Variants in DCC observed in about 807,000 individuals in gnomAD.
The protein encoded by DCC is DCC netrin 1 receptor, also known as netrin receptor DCC.
DCC carries 58 observed loss-of-function variants against 172.5 expected under a neutral mutation model. The observed-to-expected ratio is 0.34, with a 90% CI of 0.27 to 0.42. DCC has a LOEUF of 0.42. DCC is among the 10% of genes least tolerant of loss of function. The pLI is 1.00. For missense variants in DCC, 1,740 were observed against 1,791.0 expected, an observed-to-expected ratio of 0.97 and a Z score of 0.51; for synonymous variants, 709 against 644.5, an observed-to-expected ratio of 1.10 and a Z score of -1.52.
chr18:53,119,048 A>G (rs2043446079), intron 7 of DCC, among the ~76,000 whole-genome samples: 1 of 151,762 alleles, frequency 6.6e-6, no homozygotes, highest in Non-Finnish European at 1.5e-5. Flanking sequence ...TTAGAAGTAA[A>G]GGCTTATTCC....
chr18:52,960,457 T>C (rs975861655), intron 5 of DCC, among the ~76,000 whole-genome samples: 30 of 152,176 alleles, frequency 2.0e-4, no homozygotes, highest in African/African-American at 7.2e-4. Flanking sequence ...CTTTACTAAT[T>C]GACATACTTT....
intron 2 of DCC, among the ~76,000 whole-genome samples, chr18:52,805,814 ATCTAAGACAATTT>A (rs2038074269): frequency 6.6e-6 from 1 of 152,184 alleles, no homozygotes. Flanking sequence ...CAACTTGAGG[ATCTAAGACAATTT>A]TCAAGGGATC....
chr18:52,468,836 T>G (rs1988863189), intron 1 of DCC, among the ~76,000 whole-genome samples: 1 of 152,136 alleles, frequency 6.6e-6, no homozygotes, highest in South Asian at 2.1e-4. Context: ...TTTCTTAAGA[T>G]ATAATTTTAA....
chr18:53,279,943 G>T (rs971040247), intron 12 of DCC, among the ~76,000 whole-genome samples: 1 of 151,988 alleles, frequency 6.6e-6, no homozygotes, highest in African/African-American at 2.4e-5. Context: ...CTTAAGGGTG[G>T]AAGGTAGGAG....
chr18:52,897,904 G>A (rs1274051182), intron 2 of DCC, among the ~76,000 whole-genome samples: 1 of 152,214 alleles, frequency 6.6e-6, no homozygotes, highest in Non-Finnish European at 1.5e-5. Context: ...GATGTGGCAA[G>A]TACAGGCCAA....
chr18:53,428,460 ATATT>A (rs1472582412), intron 21 of DCC, among the ~76,000 whole-genome samples: 2 of 50,994 alleles, frequency 3.9e-5, no homozygotes, highest in African/African-American at 9.6e-5. Flanking sequence ...TATTTTATAT[ATATT>A]ATATAATATA....
At chr18:52,610,608 T>C (rs1481524312) in intron 1 of DCC, among the ~76,000 whole-genome samples, 1 of 151,904 alleles carries the variant, frequency 6.6e-6, no homozygotes, top group African/African-American at 2.4e-5. Context: ...TGGACCCCTC[T>C]ACACAGGGAA....
chr18:52,471,992 A>C (rs1787133), intron 1 of DCC, among the ~76,000 whole-genome samples: 148,158 of 152,184 alleles, frequency 0.97, 72,243 homozygotes, highest in Middle Eastern at 1. Flanking sequence ...AGAAGGGAGG[A>C]AGGGATCTTC....
At chr18:52,617,608 TTA>T (rs60947788) in intron 1 of DCC, among the ~76,000 whole-genome samples, 18,674 of 152,086 alleles carry the variant, frequency 0.12, 1,856 homozygotes, top group African/African-American at 0.27. Context: ...AGACAACTTT[TTA>T]TATGTTTCTC....
chr18:52,531,981 A>T (rs1375153497), intron 1 of DCC, among the ~76,000 whole-genome samples: 1 of 152,172 alleles, frequency 6.6e-6, no homozygotes, highest in East Asian at 1.9e-4. Context: ...AGCCAATCTC[A>T]TTTCCATAAC....
chr18:53,113,689 G>A (rs2043368757), intron 7 of DCC, among the ~76,000 whole-genome samples: 2 of 137,082 alleles, frequency 1.5e-5, no homozygotes, highest in Admixed American at 1.4e-4. Flanking sequence ...TAAAGCAAAA[G>A]CTTTTATTTT....
At chr18:52,966,168 CA>C (rs2040926711) in intron 5 of DCC, among the ~76,000 whole-genome samples, 1 of 152,024 alleles carries the variant, frequency 6.6e-6, no homozygotes. Context: ...ATTTTGAAGC[CA>C]AGATTTACCC....
At chr18:53,327,705 AT>A (rs2057482360) in intron 14 of DCC, among the ~76,000 whole-genome samples, 1 of 152,148 alleles carries the variant, frequency 6.6e-6, no homozygotes, top group Non-Finnish European at 1.5e-5. Context: ...CTGCAAATTC[AT>A]TTCATTTAAG....
chr18:52,548,274 T>G (rs1412048531), intron 1 of DCC, among the ~76,000 whole-genome samples: 2 of 152,216 alleles, frequency 1.3e-5, no homozygotes, highest in East Asian at 3.9e-4. Context: ...ATATTCCAAA[T>G]AAGTTGTGAA....
intron 5 of DCC, among the ~76,000 whole-genome samples, chr18:52,943,712 A>G (rs1598955436): frequency 6.7e-6 from 1 of 149,158 alleles, no homozygotes. Context: ...GTAAATTGTA[A>G]TTTTCCAAAG....
chr18:52,651,382 C>A (rs868152903), intron 1 of DCC, among the ~76,000 whole-genome samples: 3 of 152,080 alleles, frequency 2.0e-5, no homozygotes, highest in Admixed American at 6.5e-5. Context: ...AGGGTCTCAC[C>A]ATGTTGCCCA....
chr18:52,353,031 T>C (rs1211834286), intron 1 of DCC, among the ~76,000 whole-genome samples: 2 of 152,198 alleles, frequency 1.3e-5, no homozygotes, highest in South Asian at 2.1e-4. Flanking sequence ...AGTAATCATG[T>C]AGTCAATGGG....
intron 15 of DCC, among the ~76,000 whole-genome samples, chr18:53,342,069 A>G (rs543680460): frequency 1.3e-5 from 2 of 152,198 alleles, no homozygotes; most frequent in South Asian, 2.1e-4. Flanking sequence ...AACTTCAAGT[A>G]TCATGGTTGT....
chr18:52,469,362 T>C (rs1053101293), intron 1 of DCC, among the ~76,000 whole-genome samples: 1 of 152,218 alleles, frequency 6.6e-6, no homozygotes, highest in African/African-American at 2.4e-5. Context: ...CATGAACCAC[T>C]GTGCCCAGCT....
Sources: gnomAD v4.1 joint callset for allele counts (sites outside exome capture counted in the v4.1 genomes callset) on GRCh38, gnomAD v4.1.1 for gene constraint, MANE v1.5 for transcripts, NCBI Gene and HGNC (gene_info 2026-07-23, HGNC 2026-07-21) for gene names.